The following AP1AR variants were observed in gnomAD, a reference collection of about 807,000 sequenced individuals.
AP1AR encodes the protein adaptor related protein complex 1 associated regulatory protein.
A neutral mutation model predicts 46.3 loss-of-function variants in AP1AR; 29 were observed. The ratio of observed to expected loss-of-function variants is 0.63; its 90% CI spans 0.47 to 0.85. The LOEUF (loss-of-function observed/expected upper bound fraction) is 0.85. Ranked by LOEUF, AP1AR falls within the 40% of genes least tolerant of loss-of-function variation. The pLI, the probability that AP1AR is intolerant of heterozygous loss-of-function variation, is 0.00. For missense variants in AP1AR, 357 were observed against 356.3 expected, an observed-to-expected ratio of 1.00 and a Z score of -0.02; for synonymous variants, 122 against 122.9, an observed-to-expected ratio of 0.99 and a Z score of 0.05.
intron 1 of AP1AR, among the ~76,000 whole-genome samples, chr4:112,244,936 A>G (rs1187250863): frequency 6.6e-6 from 1 of 152,188 alleles, no homozygotes; most frequent in East Asian, 1.9e-4. Flanking sequence ...TTTTTAAGCA[A>G]TTATGTTTGC....
At chr4:112,232,737 A>C (rs1725069528) in intron 1 of AP1AR, among the ~76,000 whole-genome samples, 1 of 152,214 alleles carries the variant, frequency 6.6e-6, no homozygotes, top group Admixed American at 6.5e-5. Flanking sequence ...GGGCATTCAG[A>C]TTCTTGGTGC....
intron 1 of AP1AR, among the ~76,000 whole-genome samples, chr4:112,243,564 G>A (rs1725598033): frequency 6.6e-6 from 1 of 152,162 alleles, no homozygotes; most frequent in African/African-American, 2.4e-5. Context: ...ATCATTCTTG[G>A]CACTTGCAGG....
At position 112,254,743 on chromosome 4, in the gene AP1AR, T is replaced by C; in HGVS notation, c.133-4T>C. 1 of 1,508,466 alleles carries C rather than the reference T, an allele frequency of 6.6e-7. No homozygotes were observed. The highest frequency in any genetic ancestry group is 8.9e-7 in the Non-Finnish European group (1 of 1,118,038). 93.4% of individuals were successfully genotyped at this position (1,508,466 alleles called of 1,614,324 possible). On this transcript the variant is annotated splice_region_variant and splice_polypyrimidine_tract_variant and intron_variant, in intron 2 of 9. Coordinates refer to ENST00000274000, the MANE Select transcript of AP1AR (RefSeq NM_018569.6). The stretch of plus-strand genomic sequence containing the variant: ...TCTTAACGCTTACTTTTTTGTCCTT[T>C]CAGTTTGAGAATCTAGTAGAAAGTG...
chr4:112,232,779 C>T (rs1725072232), intron 1 of AP1AR, among the ~76,000 whole-genome samples: 1 of 152,064 alleles, frequency 6.6e-6, no homozygotes, highest in Admixed American at 6.5e-5. Flanking sequence ...GTAATTTTTT[C>T]GTATTAAGTT....
intron 1 of AP1AR, among the ~76,000 whole-genome samples, chr4:112,248,891 T>G (rs1442606750): frequency 6.6e-6 from 1 of 152,226 alleles, no homozygotes; most frequent in Non-Finnish European, 1.5e-5. Context: ...TTCCTCTGTT[T>G]AGAATTCTTT....
In AP1AR at chr4:112,253,809, T is replaced by G. The variant is rs1726066314; in HGVS notation, c.132+553T>G. Among the ~76,000 whole-genome samples the G allele has an allele frequency of 2.0e-5, 3 of 152,178 alleles. No individual in the cohort carries two copies. In the South Asian group the frequency reaches 6.2e-4, roughly 32 times the overall value. On this transcript the variant is annotated intron_variant, in intron 2 of 9. Transcript: ENST00000274000. The stretch of plus-strand genomic sequence containing the variant: ...CAGAGGCTTAGACAGGTGGAGAAAT[T>G]GGGCTATATTACACAACCTATTAAG...
chr4:112,252,837 C>A (rs1272907719), intron 1 of AP1AR, among the ~76,000 whole-genome samples: 1 of 151,988 alleles, frequency 6.6e-6, no homozygotes, highest in African/African-American at 2.4e-5. Context: ...AGAACATATT[C>A]TTTTTATATA....
At chr4:112,261,334 A>G (rs1211210226) in intron 5 of AP1AR, among the ~76,000 whole-genome samples, 1 of 152,148 alleles carries the variant, frequency 6.6e-6, no homozygotes, top group African/African-American at 2.4e-5. Context: ...TGGGAGGCTG[A>G]GGTGGGAGTA....
In AP1AR at chr4:112,268,921, G is replaced by T. The variant is rs1455052942; in HGVS notation, c.*512G>T. The T allele has an allele frequency of 6.6e-6, 1 of 151,886 alleles. No homozygotes were observed. The highest frequency in any genetic ancestry group is 1.5e-5 in the Non-Finnish European group (1 of 67,908). The allele number at this position is 151,886 out of a possible 1,614,324, so 9.4% of individuals were successfully genotyped here. A position where few individuals can be genotyped will look rare whatever the true frequency, so the allele number is the denominator to read the frequency against. On this transcript the variant is annotated 3_prime_UTR_variant, in exon 10 of 10. Transcript: ENST00000274000. ...ATTTTATTATCTAATAGTAAGTACA[G>T]TTGATGTGGGTAGATGACTCTAAGA...
chr4:112,271,360 G>A lies in AP1AR; in HGVS notation c.*2951G>A, dbSNP rs754939127. Among the ~76,000 whole-genome samples, 6 of 152,212 alleles carry A rather than the reference G, an allele frequency of 3.9e-5. No individual in the cohort carries two copies. Among genetic ancestry groups the A allele is most frequent in the Non-Finnish European group, 5.9e-5 (4 of 68,038 alleles). On this transcript the variant is annotated 3_prime_UTR_variant, in exon 10 of 10. Transcript: ENST00000274000. ...TCACTCTCATTCAGGTGCAGATACC[G>A]ACTATAAAAATGTTTAGCTATAGTT...
At chr4:112,254,310 G>A (rs905751021) in intron 2 of AP1AR, among the ~76,000 whole-genome samples, 3 of 152,052 alleles carry the variant, frequency 2.0e-5, no homozygotes, top group South Asian at 2.1e-4. Flanking sequence ...ATGAATAGAC[G>A]GATAAATATA....
Position 112,232,098 on chromosome 4 carries a change from A to T in AP1AR, c.7A>T (p.Asn3Tyr). Residue 3 changes from asparagine to tyrosine, a missense_variant, in exon 1 of 10, where the codon AAC becomes TAC. By Grantham distance (143) the Asn-to-Tyr change is moderately radical (BLOSUM62 -2). Around this residue, in one of 2 missense-constraint regions of AP1AR, gnomAD observed 269 missense variants for 223.6 expected, o/e 1.20. Transcript: ENST00000274000. ...GGCGCCTGGGCGGCATGCGATGGGGAACTGCTGCTGGACGCAGTGCTTCGG... is the reference window on the plus strand; with the variant it reads ...GGCGCCTGGGCGGCATGCGATGGGGTACTGCTGCTGGACGCAGTGCTTCGG... MG[N>Y]CCWTQCFGLL... 7.4e-7 allele frequency: 1 copy of T among 1,344,936 alleles called. No individual in the cohort carries two copies. Among genetic ancestry groups the T allele is most frequent in the South Asian group, 2.0e-5 (1 of 51,242 alleles). 83.3% of individuals were successfully genotyped at this position (1,344,936 alleles called of 1,614,324 possible). A position where few individuals can be genotyped will look rare whatever the true frequency, so the allele number is the denominator to read the frequency against.
At position 112,253,250 on chromosome 4, in the gene AP1AR, A is replaced by G. The variant is rs776091953; in HGVS notation, c.126A>G (p.Thr42=). ...CATGCTCAAGAGGTGAGCACTTAAC[A>G]ATAGAGGTAAGTAGTCCTTAATTTG... ...FRTCSRGEHL[T]IEFENLVESD... Residue 42 remains threonine, a synonymous_variant, in exon 2 of 10, where the codon ACA becomes ACG. Coordinates refer to ENST00000274000, the MANE Select transcript of AP1AR (RefSeq NM_018569.6). The G allele has an allele frequency of 1.1e-5, 17 of 1,610,004 alleles. No homozygotes were observed. Among genetic ancestry groups the G allele is most frequent in the Non-Finnish European group, 1.4e-5 (17 of 1,178,094 alleles).
At chr4:112,248,886 C>G (rs1326073824) in intron 1 of AP1AR, among the ~76,000 whole-genome samples, 8 of 152,206 alleles carry the variant, frequency 5.3e-5, no homozygotes, top group Admixed American at 5.2e-4. Context: ...TGCTTTTCCT[C>G]TGTTTAGAAT....
chr4:112,253,449 A>T (rs1159361582), intron 2 of AP1AR, 193 bp downstream of exon 2: 5 of 548,008 alleles, frequency 9.1e-6, no homozygotes, highest in Non-Finnish European at 3.2e-6. Context: ...TTTGCAGAGG[A>T]TTATGGTTCT....
Position 112,265,752 on chromosome 4 carries a change from C to T in AP1AR, c.459C>T (p.Asp153=). 1 of 1,609,360 alleles carries T rather than the reference C, an allele frequency of 6.2e-7. No homozygotes were observed. The highest frequency in any genetic ancestry group is 8.5e-7 in the Non-Finnish European group (1 of 1,177,446). Residue 153 remains aspartate, a synonymous_variant, in exon 8 of 10, where the codon GAC becomes GAT. Coordinates refer to ENST00000274000, the MANE Select transcript of AP1AR (RefSeq NM_018569.6). ...ATTACAGTTCAGGACCAGAAGATGA[C>T]TTCGAATCTTGTTTGAGAAATATGA... ...GEYQSSGPED[D]FESCLRNMKS...
chr4:112,268,033 C>G (rs1000200241), intron 9 of AP1AR, 111 bp from the exon 10 acceptor site: 1 of 1,117,300 alleles, frequency 9.0e-7, no homozygotes, highest in African/African-American at 1.6e-5. Context: ...TAAGTTAATT[C>G]ACACATCAAG....
Position 112,266,414 on chromosome 4 carries a change from C to G in AP1AR, c.515-174C>G, listed in dbSNP as rs562375081. On this transcript the variant is annotated intron_variant, in intron 8 of 9. Transcript: ENST00000274000. Reference sequence around the variant, plus strand: ...GGCAAAAAAAAAGAGAGAAAAGTTTCTTTATACTGTTCCTAACAGAAACTT... The same window carrying G: ...GGCAAAAAAAAAGAGAGAAAAGTTTGTTTATACTGTTCCTAACAGAAACTT... Among the ~76,000 whole-genome samples the G allele has an allele frequency of 2.4e-4, 36 of 151,712 alleles. No individual in the cohort carries two copies. In the East Asian group the frequency reaches 4.8e-3, roughly 20 times the overall value.
At chr4:112,258,554 A>G (rs1049740084) in intron 4 of AP1AR, among the ~76,000 whole-genome samples, 2 of 152,204 alleles carry the variant, frequency 1.3e-5, no homozygotes, top group African/African-American at 4.8e-5. Context: ...GCCCAAAACA[A>G]AATCCAAGAA....
Sources: gnomAD v4.1 joint callset for allele counts (sites outside exome capture counted in the v4.1 genomes callset) on GRCh38, gnomAD v4.1.1 for gene constraint, gnomAD v4.1.1 regional missense constraint, MANE v1.5 for transcripts, NCBI Gene and HGNC (gene_info 2026-07-23, HGNC 2026-07-21) for gene names.